The following KIF27 variants were observed in gnomAD, a reference collection of about 807,000 sequenced individuals.
KIF27 encodes the protein kinesin-like protein KIF27.
A neutral mutation model predicts 141.8 loss-of-function variants in KIF27; 84 were observed. That is an observed-to-expected ratio of 0.59 (90% CI 0.50 to 0.71). The LOEUF (loss-of-function observed/expected upper bound fraction) is 0.71, where lower values mean the gene tolerates loss of function less well. Among genes scored for constraint, KIF27 ranks in the 30% least tolerant of loss-of-function variants. The probability of loss-of-function intolerance (pLI) is 0.00; values close to 1 mark genes in which losing one functional copy is unlikely to be tolerated. For synonymous variants in KIF27, 471 were observed against 569.5 expected, an observed-to-expected ratio of 0.83 and a Z score of 2.46; for missense variants, 1,306 against 1,628.4, an observed-to-expected ratio of 0.80 and a Z score of 3.41.
At position 83,836,130 on chromosome 9, in the gene KIF27, T is replaced by C. The variant is rs952215675; in HGVS notation, c.*871A>G. ...ACTAAGGAGGTTATAGAAAAAAATA[T>C]CAGACTTAAGCCCATCAAATCATTA... On this transcript the variant is annotated 3_prime_UTR_variant, in exon 18 of 18. Coordinates refer to ENST00000297814, the MANE Select transcript of KIF27 (RefSeq NM_017576.4). Among the ~76,000 whole-genome samples the C allele has an allele frequency of 1.3e-5, 2 of 152,152 alleles. No individual in the cohort carries two copies. Among genetic ancestry groups the C allele is most frequent in the African/African-American group, 4.8e-5 (2 of 41,420 alleles).
rs557849025 is a variant in KIF27, at chr9:83,866,950, C to G, written c.2934+734G>C. ...ACAATCAATTTTATATTTTATTCAC[C>G]CCCCCCCCAAAAAAAGAAACCCCAC... is the stretch of plus-strand genomic sequence containing the variant. On this transcript the variant is annotated intron_variant, in intron 13 of 17. Coordinates refer to ENST00000297814, the MANE Select transcript of KIF27 (RefSeq NM_017576.4). 9.8e-5 allele frequency among the ~76,000 whole-genome samples: 13 copies of G among 132,482 alleles called. No individual in the cohort carries two copies. The East Asian group carries it at 2.8e-3, about 29-fold the overall frequency. 86.9% of individuals were successfully genotyped at this position (132,482 alleles called of 152,430 possible).
intron 11 of KIF27, among the ~76,000 whole-genome samples, chr9:83,873,797 C>A (rs1248832285): frequency 6.6e-6 from 1 of 152,176 alleles, no homozygotes; most frequent in East Asian, 1.9e-4. Context: ...CACTTGTAAT[C>A]CCAGCACTTT....
intron 15 of KIF27, among the ~76,000 whole-genome samples, chr9:83,852,697 T>C (rs932908282): frequency 1.3e-5 from 2 of 152,172 alleles, no homozygotes; most frequent in South Asian, 2.1e-4. Flanking sequence ...GTAGTGATCA[T>C]AGCTCACTAC....
rs746414083 is a variant in KIF27 at position 83,908,543 on chromosome 9, T to C, written c.408A>G (p.Ile136Met). ...SIDFNVKVSY[I>M]EVYKEDLRDL... ...CTCTTAGGTCTTCCTTGTACACTTC[T>C]ATATAAGATACTTTTACATTAAAGT... Residue 136 changes from isoleucine (I) to methionine (M), a missense_variant, in exon 3 of 18, where the codon ATA (isoleucine) becomes ATG (methionine). Around this residue, in one of 4 missense-constraint regions of KIF27, gnomAD observed 533 missense variants for 565.6 expected, o/e 0.94. Transcript: ENST00000297814. The C allele has an allele frequency of 6.2e-7, 1 of 1,610,100 alleles. No individual in the cohort carries two copies. Among genetic ancestry groups the C allele is most frequent in the Non-Finnish European group, 8.5e-7 (1 of 1,176,562 alleles).
intron 1 of KIF27, among the ~76,000 whole-genome samples, chr9:83,916,221 C>G (rs930818268): frequency 3.9e-5 from 6 of 152,130 alleles, no homozygotes; most frequent in African/African-American, 1.4e-4. Flanking sequence ...TTAGTAGAGA[C>G]AGGGTTTCAC....
chr9:83,876,310 C>T (rs2132128114), intron 11 of KIF27, among the ~76,000 whole-genome samples: 1 of 152,062 alleles, frequency 6.6e-6, no homozygotes, highest in Non-Finnish European at 1.5e-5. Flanking sequence ...AAAAGCAATT[C>T]CATTTATAAT....
chr9:83,858,097 G>C (rs964087985), intron 14 of KIF27, among the ~76,000 whole-genome samples: 3 of 150,488 alleles, frequency 2.0e-5, no homozygotes, highest in African/African-American at 4.9e-5. Flanking sequence ...ATAACCCTTA[G>C]GCTCCAATTT....
chr9:83,880,011 A>G, intron 11 of KIF27: 2 of 506,344 alleles, frequency 3.9e-6, no homozygotes, highest in Non-Finnish European at 3.5e-6. Context: ...AGTTGGCTTT[A>G]TAAATGTATG....
intron 11 of KIF27, among the ~76,000 whole-genome samples, chr9:83,877,435 G>C (rs898080789): frequency 1.3e-5 from 2 of 152,126 alleles, no homozygotes; most frequent in Non-Finnish European, 2.9e-5. Context: ...TCAACAGATG[G>C]TACTGGTACA....
At chr9:83,888,834 A>C (rs915701017) in intron 7 of KIF27, among the ~76,000 whole-genome samples, 2 of 151,480 alleles carry the variant, frequency 1.3e-5, no homozygotes, top group Non-Finnish European at 3.0e-5. Flanking sequence ...AAAAAAAAAA[A>C]AAACCTCTGA....
chr9:83,916,038 C>A (rs1002501213), intron 1 of KIF27, among the ~76,000 whole-genome samples: 32 of 152,064 alleles, frequency 2.1e-4, no homozygotes, highest in African/African-American at 7.7e-4. Context: ...AAGTAAGGAA[C>A]TGTACACACG....
chr9:83,867,695 T>C lies in KIF27; in HGVS notation c.2923A>G (p.Arg975Gly). The C allele has an allele frequency of 6.2e-7, 1 of 1,603,954 alleles. No homozygotes were observed. Among genetic ancestry groups the C allele is most frequent in the East Asian group, 2.2e-5 (1 of 44,784 alleles). ...ATTAAACAGAATACCTGACTAGATC[T>C]CAATTTCTTATTTTCCAGGTGACTC... ...EKSHLENKKL[R>G]SSQALNTDSL... Residue 975 changes from arginine (R) to glycine (G), a missense_variant, in exon 13 of 18, where the codon AGA (arginine) becomes GGA (glycine). Transcript: ENST00000297814.
intron 17 of KIF27, chr9:83,837,769 T>C (rs1464341053): frequency 4.5e-6 from 1 of 220,246 alleles, no homozygotes; most frequent in Non-Finnish European, 8.9e-6. Flanking sequence ...TAAGAGTGCT[T>C]TGGGCACCTC....
chr9:83,874,429 A>G (rs1027876057), intron 11 of KIF27, among the ~76,000 whole-genome samples: 3 of 152,202 alleles, frequency 2.0e-5, no homozygotes, highest in African/African-American at 7.2e-5. Context: ...GGTTTAGTCA[A>G]GTAGAAAAGA....
In KIF27 at chr9:83,846,949, C is replaced by G. The variant is rs541188490; in HGVS notation, c.3556+3150G>C. ...GGACTATCAAGATGAAATCAGTCTA[C>G]TACTTCATAACAGAGGTAAGGAAGA... On this transcript the variant is annotated intron_variant, in intron 16 of 17. Coordinates refer to ENST00000297814, the MANE Select transcript of KIF27 (RefSeq NM_017576.4). Among the ~76,000 whole-genome samples, 5 of 152,282 alleles carry G rather than the reference C, an allele frequency of 3.3e-5. No individual in the cohort carries two copies. In the East Asian group the frequency reaches 9.6e-4, roughly 29 times the overall value.
rs577300088 is a variant in KIF27 at position 83,893,677 on chromosome 9, CTAAA to C, written c.1603-2180_1603-2177del. On this transcript the variant is annotated intron_variant, in intron 5 of 17. Transcript: ENST00000297814. ...AGAAGAGAAGCTAAAAATCAATATACTAAATATTCATCTAAAGATGTTAAAAAGA... is the reference window on the plus strand; with the variant it reads ...AGAAGAGAAGCTAAAAATCAATATACTATTCATCTAAAGATGTTAAAAAGA... Among the ~76,000 whole-genome samples the C allele has an allele frequency of 6.1e-3, 921 of 151,240 alleles. 10 individuals carry two copies. The highest frequency in any genetic ancestry group is 0.021 in the African/African-American group (874 of 41,306).
chr9:83,843,962 C>T (rs1946889232), intron 16 of KIF27, among the ~76,000 whole-genome samples: 1 of 151,708 alleles, frequency 6.6e-6, no homozygotes, highest in South Asian at 2.1e-4. Context: ...TGAAAGATGC[C>T]AAGTATTGAT....
rs200139828 is a variant in KIF27, at chr9:83,880,488, G to C, written c.2452C>G (p.Gln818Glu). ...DAAKLRVQVL[Q>E]KKQQDSKKLA... ...TTCTTACTATCTTGTTGCTTCTTCT[G>C]CAAGACCTGAGATCATATGGAATAT... Residue 818 changes from glutamine to glutamate, a missense_variant, in exon 11 of 18, where the codon CAG becomes GAG. Physicochemically the swap from Gln to Glu is conservative, Grantham distance 29. Coordinates refer to ENST00000297814, the MANE Select transcript of KIF27 (RefSeq NM_017576.4). The C allele has an allele frequency of 1.9e-6, 3 of 1,608,116 alleles. No individual in the cohort carries two copies. The highest frequency in any genetic ancestry group is 3.3e-5 in the Admixed American group (2 of 59,740).
rs565788873 is a variant in KIF27, at chr9:83,846,693, C to T, written c.3556+3406G>A. The stretch of plus-strand genomic sequence containing the variant: ...TGGAAGTGGAAGTGGCACCACCCAC[C>T]ATCACCCCTAGTGATCCATTAGCAA... On this transcript the variant is annotated intron_variant, in intron 16 of 17. Transcript: ENST00000297814. Among the ~76,000 whole-genome samples, 38 of 152,296 alleles carry T rather than the reference C, an allele frequency of 2.5e-4. 1 individual carries two copies. Among genetic ancestry groups the T allele is most frequent in the African/African-American group, 8.9e-4 (37 of 41,564 alleles).
Sources: gnomAD v4.1 joint callset for allele counts (sites outside exome capture counted in the v4.1 genomes callset) on GRCh38, gnomAD v4.1.1 for gene constraint, gnomAD v4.1.1 regional missense constraint, MANE v1.5 for transcripts, NCBI Gene and HGNC (gene_info 2026-07-23, HGNC 2026-07-21) for gene names.